SLC9B1: variants seen among roughly 807,000 people sequenced by gnomAD.
SLC9B1 encodes solute carrier family 9 member B1, also known as sodium/hydrogen exchanger 9B1.
In SLC9B1, 32 loss-of-function variants were observed where a neutral mutation model predicts 51.7. The ratio of observed to expected loss-of-function variants is 0.62; its 90% CI spans 0.47 to 0.83. The LOEUF (loss-of-function observed/expected upper bound fraction) is 0.83. Ranked by LOEUF, SLC9B1 falls within the 40% of genes least tolerant of loss-of-function variation. The pLI is 0.00. For missense variants in SLC9B1, 406 were observed against 613.2 expected (o/e 0.66, Z 3.57); for synonymous variants, 145 against 212.7 (o/e 0.68, Z 2.77).
intron 3 of SLC9B1, among the ~76,000 whole-genome samples, chr4:102,977,589 T>C (rs2110506379): frequency 6.6e-6 from 1 of 152,180 alleles, no homozygotes; most frequent in East Asian, 1.9e-4. Flanking sequence ...AACACCAATG[T>C]TGAGAACGTT....
At chr4:102,913,796 T>TAAA (rs61244946) in intron 7 of SLC9B1, among the ~76,000 whole-genome samples, 2 of 71,452 alleles carry the variant, frequency 2.8e-5, no homozygotes, top group South Asian at 5.7e-4. Context: ...AGATAGAAAC[T>TAAA]AAAAAAAAAA....
Position 102,909,354 on chromosome 4 carries a change from A to T in SLC9B1, c.1086+1085T>A, listed in dbSNP as rs1399326646. On this transcript the variant is annotated intron_variant, in intron 9 of 11. Transcript: ENST00000296422. ...CCCTATAGATGTACCTGCAATCCCAACATTTTGGGAGGCCGAGGCAGGAGT... is the reference window on the plus strand; with the variant it reads ...CCCTATAGATGTACCTGCAATCCCATCATTTTGGGAGGCCGAGGCAGGAGT... 2.0e-5 allele frequency among the ~76,000 whole-genome samples: 3 copies of T among 152,040 alleles called. No individual in the cohort carries two copies. In the East Asian group the frequency reaches 5.8e-4, roughly 29 times the overall value.
At position 102,949,354 on chromosome 4, in the gene SLC9B1, T is replaced by A. The variant is rs1176167128; in HGVS notation, c.285A>T (p.Leu95Phe). ...LGSEALPGGN[L>F]FGLFIIFYSA... ...TATAAAAAATAATGAACAACCCAAA[T>A]AAATTTCCACCAGGGAGAGCTTCAG... The change falls in exon 4 of 12, where the codon TTA (leucine) becomes TTT (phenylalanine). Residue 95 changes from leucine (L) to phenylalanine (F), a missense_variant. Physicochemically the swap from Leu to Phe is conservative, Grantham distance 22 (BLOSUM62 0). Coordinates refer to ENST00000296422, the MANE Select transcript of SLC9B1 (RefSeq NM_139173.4). 2 of 1,610,938 alleles carry A rather than the reference T, an allele frequency of 1.2e-6. No homozygotes were observed. The highest frequency in any genetic ancestry group is 1.1e-5 in the South Asian group (1 of 90,808).
intron 3 of SLC9B1, among the ~76,000 whole-genome samples, chr4:102,972,919 C>T (rs1341381157): frequency 6.6e-6 from 1 of 152,096 alleles, no homozygotes; most frequent in African/African-American, 2.4e-5. Context: ...TTTTTAATTA[C>T]TTGTTAATTC....
At chr4:102,990,050 G>A (rs895367578) in intron 2 of SLC9B1, 109 bp from the exon 3 acceptor site, 9 of 862,026 alleles carry the variant, frequency 1.0e-5, no homozygotes, top group Middle Eastern at 2.7e-4. Context: ...CTGTCAATGC[G>A]AGGAATCACA....
intron 1 of SLC9B1, among the ~76,000 whole-genome samples, chr4:103,013,574 G>T (rs1741184393): frequency 6.6e-6 from 1 of 152,140 alleles, no homozygotes; most frequent in African/African-American, 2.4e-5. Context: ...AACTAGAAAA[G>T]CTCTCAAGAT....
chr4:102,968,391 A>G (rs1250798617), intron 3 of SLC9B1, among the ~76,000 whole-genome samples: 1 of 152,242 alleles, frequency 6.6e-6, no homozygotes, highest in East Asian at 1.9e-4. Context: ...TAAAACTTCT[A>G]GGAAAAAAAT....
intron 11 of SLC9B1, chr4:102,888,246 CT>C (rs1734040789): frequency 6.6e-6 from 1 of 152,130 alleles, no homozygotes; most frequent in Non-Finnish European, 1.5e-5. Context: ...ATATTTTTCT[CT>C]TTTTAACACT....
chr4:102,965,977 C>G (rs1157651922), intron 3 of SLC9B1, among the ~76,000 whole-genome samples: 1 of 152,218 alleles, frequency 6.6e-6, no homozygotes, highest in East Asian at 1.9e-4. Context: ...CACGTGCTAC[C>G]TCCTGGGCAC....
chr4:102,893,405 T>C (rs900798949), intron 11 of SLC9B1, among the ~76,000 whole-genome samples: 4 of 148,348 alleles, frequency 2.7e-5, no homozygotes, highest in Non-Finnish European at 5.9e-5. Flanking sequence ...TGGAAAAATA[T>C]AAATGACCAA....
chr4:102,922,847 C>T (rs1252713559), intron 7 of SLC9B1, among the ~76,000 whole-genome samples: 2 of 152,142 alleles, frequency 1.3e-5, no homozygotes, highest in East Asian at 3.8e-4. Context: ...CCTTCCAAGA[C>T]TAAACCAGGA....
At chr4:102,997,748 A>C (rs755065998) in intron 1 of SLC9B1, among the ~76,000 whole-genome samples, 1 of 152,018 alleles carries the variant, frequency 6.6e-6, no homozygotes, top group Non-Finnish European at 1.5e-5. Flanking sequence ...TTTAATATAG[A>C]TCTGTTGGCG....
At chr4:102,979,263 C>A (rs1207572711) in intron 3 of SLC9B1, among the ~76,000 whole-genome samples, 1 of 152,148 alleles carries the variant, frequency 6.6e-6, no homozygotes, top group African/African-American at 2.4e-5. Context: ...AGTTATTGAG[C>A]CATATCCTAG....
chr4:102,972,830 C>G (rs964846193), intron 3 of SLC9B1, among the ~76,000 whole-genome samples: 16 of 152,008 alleles, frequency 1.1e-4, no homozygotes, highest in Non-Finnish European at 1.8e-4. Context: ...ACTGGAAAAC[C>G]ATAAGTTGGA....
At chr4:102,908,224 A>G (rs1406540024) in intron 9 of SLC9B1, among the ~76,000 whole-genome samples, 1 of 152,290 alleles carries the variant, frequency 6.6e-6, no homozygotes, top group Admixed American at 6.5e-5. Context: ...GGGAGAATTT[A>G]GTTCATGTTA....
chr4:102,912,228 A>G (rs1735375889), intron 7 of SLC9B1: 1 of 152,324 alleles, frequency 6.6e-6, no homozygotes, highest in Non-Finnish European at 1.5e-5. Flanking sequence ...GGGCTATATT[A>G]ACAATTCTTC....
chr4:102,946,743 A>G lies in SLC9B1; in HGVS notation c.429T>C (p.Asn143=), dbSNP rs1737288302. The G allele has an allele frequency of 6.2e-7, 1 of 1,608,824 alleles. No homozygotes were observed. The highest frequency in any genetic ancestry group is 1.3e-5 in the African/African-American group (1 of 74,674). ...GFTIRNVPFI[N]EHVHVPNTWS... is the part of the protein sequence containing the mutation. ...ATGTGTTAGGAACATGGACATGTTC[A>G]TTGATGAATGGAACATTCCTAATCG... Residue 143 remains asparagine (N), a synonymous_variant, in exon 5 of 12, where the codon AAT becomes AAC. Transcript: ENST00000296422.
At chr4:102,916,645 T>C (rs1735590947) in intron 7 of SLC9B1, among the ~76,000 whole-genome samples, 1 of 152,230 alleles carries the variant, frequency 6.6e-6, no homozygotes, top group South Asian at 2.1e-4. Flanking sequence ...TCTTCTCAAG[T>C]ACATACCAAG....
At chr4:102,934,202 T>A (rs1736603048) in intron 6 of SLC9B1, among the ~76,000 whole-genome samples, 1 of 152,224 alleles carries the variant, frequency 6.6e-6, no homozygotes, top group Admixed American at 6.5e-5. Context: ...AAGAATAAGA[T>A]CTTAGAACAA....
Sources: gnomAD v4.1 joint callset for allele counts (sites outside exome capture counted in the v4.1 genomes callset) on GRCh38, gnomAD v4.1.1 for gene constraint, MANE v1.5 for transcripts, NCBI Gene and HGNC (gene_info 2026-07-23, HGNC 2026-07-21) for gene names.